Variants in NRXN1 observed in about 807,000 individuals in gnomAD.
NRXN1 encodes the protein neurexin-1.
NRXN1 carries 39 observed loss-of-function variants against 150.9 expected under a neutral mutation model. The observed-to-expected ratio is 0.26, with a 90% CI of 0.20 to 0.34. The LOEUF is 0.34. Ranked by LOEUF, NRXN1 falls within the 10% of genes least tolerant of loss-of-function variation. NRXN1 has a pLI of 1.00. For synonymous variants in NRXN1, 924 were observed against 757.0 expected (o/e 1.22, Z -3.62); for missense variants, 1,815 against 1,949.9 (o/e 0.93, Z 1.30).
chr2:50,126,846 G>T (rs1704660263), intron 18 of NRXN1, among the ~76,000 whole-genome samples: 1 of 151,858 alleles, frequency 6.6e-6, no homozygotes, highest in Admixed American at 6.6e-5. Context: ...TCACATTTTT[G>T]CCCCATCTTT....
chr2:50,717,523 C>T (rs1696024403), intron 5 of NRXN1, among the ~76,000 whole-genome samples: 1 of 152,146 alleles, frequency 6.6e-6, no homozygotes, highest in African/African-American at 2.4e-5. Flanking sequence ...CACGACAAGA[C>T]TATGAAGGCT....
At chr2:50,066,999 T>G (rs116129975) in intron 19 of NRXN1, among the ~76,000 whole-genome samples, 2,672 of 152,314 alleles carry the variant, frequency 0.018, 84 homozygotes, top group African/African-American at 0.061. Flanking sequence ...TCAGTCATTC[T>G]CACAGCTAGA....
At chr2:50,516,856 A>G (rs1302773754) in intron 12 of NRXN1, among the ~76,000 whole-genome samples, 1 of 152,208 alleles carries the variant, frequency 6.6e-6, no homozygotes, top group African/African-American at 2.4e-5. Context: ...AAGTACTTTG[A>G]CTAAATGATA....
At chr2:51,015,109 A>T (rs1475823221) in intron 2 of NRXN1, among the ~76,000 whole-genome samples, 1 of 151,978 alleles carries the variant, frequency 6.6e-6, no homozygotes, top group Non-Finnish European at 1.5e-5. Flanking sequence ...GTGATTTTTT[A>T]AATTTTAAAC....
intron 19 of NRXN1, among the ~76,000 whole-genome samples, chr2:50,058,885 C>T (rs550479328): frequency 6.6e-6 from 1 of 152,246 alleles, no homozygotes; most frequent in Non-Finnish European, 1.5e-5. Context: ...GTGAGGCCTC[C>T]CAACCATGTG....
intron 17 of NRXN1, among the ~76,000 whole-genome samples, chr2:50,436,560 T>C (rs1382868751): frequency 6.6e-6 from 1 of 152,206 alleles, no homozygotes; most frequent in African/African-American, 2.4e-5. Flanking sequence ...ATTTTCTAAC[T>C]AAAATCCCAT....
At chr2:50,964,346 T>C (rs994211285) in intron 2 of NRXN1, among the ~76,000 whole-genome samples, 2 of 151,460 alleles carry the variant, frequency 1.3e-5, no homozygotes, top group African/African-American at 2.4e-5. Context: ...AATAATTTAG[T>C]CCCCAGTGTT....
chr2:50,927,808 C>T (rs969457461), intron 2 of NRXN1, among the ~76,000 whole-genome samples: 6 of 151,716 alleles, frequency 4.0e-5, no homozygotes, highest in South Asian at 2.1e-4. Flanking sequence ...TCTGTAAAGA[C>T]GGGCAAATAT....
At chr2:50,752,548 T>C (rs1700718446) in intron 5 of NRXN1, among the ~76,000 whole-genome samples, 1 of 151,930 alleles carries the variant, frequency 6.6e-6, no homozygotes, top group African/African-American at 2.4e-5. Context: ...GTATGGCTAA[T>C]CAGAATTCCC....
chr2:50,361,878 G>A (rs1161198751), intron 17 of NRXN1, among the ~76,000 whole-genome samples: 4 of 152,182 alleles, frequency 2.6e-5, no homozygotes, highest in African/African-American at 9.7e-5. Flanking sequence ...GAATCCAGCA[G>A]CACATCAAAA....
intron 12 of NRXN1, among the ~76,000 whole-genome samples, chr2:50,527,225 G>A (rs2092977702): frequency 6.6e-6 from 1 of 152,178 alleles, no homozygotes; most frequent in South Asian, 2.1e-4. Flanking sequence ...CAGCCAGAGT[G>A]AGGCACAGAT....
At chr2:50,751,045 G>A (rs1232035023) in intron 5 of NRXN1, among the ~76,000 whole-genome samples, 1 of 151,952 alleles carries the variant, frequency 6.6e-6, no homozygotes, top group Admixed American at 6.6e-5. Flanking sequence ...GGAAGAGGAG[G>A]TAGTGTCAGT....
intron 17 of NRXN1, among the ~76,000 whole-genome samples, chr2:50,294,469 T>C (rs2073326594): frequency 6.6e-6 from 1 of 152,160 alleles, no homozygotes; most frequent in Admixed American, 6.6e-5. Flanking sequence ...CATTTATGTG[T>C]TTATTAAAAA....
intron 5 of NRXN1, among the ~76,000 whole-genome samples, chr2:50,652,785 G>C (rs1234964506): frequency 2.0e-5 from 3 of 151,988 alleles, no homozygotes. Context: ...AGCTTTTCCA[G>C]AGTTTTGCAT....
At chr2:50,300,652 C>A (rs773560906) in intron 17 of NRXN1, among the ~76,000 whole-genome samples, 1 of 152,174 alleles carries the variant, frequency 6.6e-6, no homozygotes, top group Non-Finnish European at 1.5e-5. Flanking sequence ...CTAAGCCATG[C>A]TCTTAAAGGG....
intron 18 of NRXN1, among the ~76,000 whole-genome samples, chr2:50,235,963 A>C (rs1053959391): frequency 6.6e-6 from 1 of 152,088 alleles, no homozygotes; most frequent in African/African-American, 2.4e-5. Flanking sequence ...CATATCTCTT[A>C]ATAAAAGACA....
At chr2:50,835,410 T>C (rs1671970807) in intron 5 of NRXN1, among the ~76,000 whole-genome samples, 1 of 152,164 alleles carries the variant, frequency 6.6e-6, no homozygotes, top group African/African-American at 2.4e-5. Flanking sequence ...AGAGAAAAAT[T>C]ACATTTAAAA....
chr2:50,018,507 A>G (rs1163201401), intron 21 of NRXN1, among the ~76,000 whole-genome samples: 1 of 152,204 alleles, frequency 6.6e-6, no homozygotes. Context: ...CTGTGACTTC[A>G]GCATTTCATT....
intron 5 of NRXN1, among the ~76,000 whole-genome samples, chr2:50,725,168 C>T (rs756424873): frequency 1.3e-4 from 19 of 151,532 alleles, no homozygotes; most frequent in Non-Finnish European, 2.4e-4. Context: ...AATATTATCT[C>T]GATGTGACCT....
Sources: allele counts gnomAD v4.1 joint callset (sites outside exome capture counted in the v4.1 genomes callset), GRCh38; gene constraint gnomAD v4.1.1; transcripts MANE v1.5; gene names NCBI Gene and HGNC (gene_info 2026-07-23, HGNC 2026-07-21).